The following ASPH variants were observed in gnomAD, a reference collection of about 807,000 sequenced individuals.
The protein encoded by ASPH is aspartyl/asparaginyl beta-hydroxylase.
A neutral mutation model predicts 118.4 loss-of-function variants in ASPH; 100 were observed. The observed-to-expected ratio is 0.84, with a 90% CI of 0.72 to 1.00. ASPH has a LOEUF of 1.00. Ranked by LOEUF, ASPH falls within the 50% of genes least tolerant of loss-of-function variation. The pLI is 0.00. For missense variants in ASPH, 920 were observed against 919.5 expected (o/e 1.00, Z -0.01); for synonymous variants, 315 against 325.6 (o/e 0.97, Z 0.35).
intron 1 of ASPH, among the ~76,000 whole-genome samples, chr8:61,693,800 G>A (rs1397116872): frequency 6.6e-6 from 1 of 152,072 alleles, no homozygotes; most frequent in Non-Finnish European, 1.5e-5. Flanking sequence ...ATATCCATCA[G>A]TGGCCATCTT....
chr8:61,514,300 A>G (rs1586319433), intron 24 of ASPH, among the ~76,000 whole-genome samples: 1 of 149,622 alleles, frequency 6.7e-6, no homozygotes, highest in Non-Finnish European at 1.5e-5. Flanking sequence ...CTCCCTGCCT[A>G]TGCCTAAGTA....
chr8:61,678,115 G>C (rs534895236), intron 3 of ASPH, among the ~76,000 whole-genome samples: 1 of 152,006 alleles, frequency 6.6e-6, no homozygotes, highest in African/African-American at 2.4e-5. Flanking sequence ...GTCTACAAAT[G>C]ATTTTCCAGG....
intron 13 of ASPH, among the ~76,000 whole-genome samples, chr8:61,622,940 A>C (rs994792972): frequency 5.9e-5 from 9 of 152,174 alleles, no homozygotes; most frequent in Non-Finnish European, 1.3e-4. Context: ...GGCTAAAAAC[A>C]ACCTGTTCTA....
intron 24 of ASPH, among the ~76,000 whole-genome samples, chr8:61,510,312 G>A (rs1236288559): frequency 6.6e-6 from 1 of 152,194 alleles, no homozygotes; most frequent in African/African-American, 2.4e-5. Context: ...TTGAACCCAA[G>A]TCATGAGACT....
chr8:61,605,029 CTT>C (rs1845149261), intron 14 of ASPH, among the ~76,000 whole-genome samples: 2 of 152,186 alleles, frequency 1.3e-5, no homozygotes, highest in Admixed American at 1.3e-4. Flanking sequence ...GAAAGCATAA[CTT>C]AACGCTTTAA....
chr8:61,564,632 C>T (rs946488271), intron 17 of ASPH, among the ~76,000 whole-genome samples: 3 of 152,128 alleles, frequency 2.0e-5, no homozygotes, highest in Admixed American at 2.0e-4. Context: ...GGCGAGTGCC[C>T]GCATTGCCTC....
At chr8:61,714,003 G>A (rs988843777) in intron 1 of ASPH, among the ~76,000 whole-genome samples, 2 of 152,266 alleles carry the variant, frequency 1.3e-5, no homozygotes, top group African/African-American at 4.8e-5. Flanking sequence ...TGTCTCGGCT[G>A]CGCCCTGCAG....
intron 24 of ASPH, among the ~76,000 whole-genome samples, chr8:61,509,614 C>T (rs1808039373): frequency 6.6e-6 from 1 of 152,166 alleles, no homozygotes; most frequent in South Asian, 2.1e-4. Flanking sequence ...CTTAGAATGC[C>T]TTAACCATCT....
intron 14 of ASPH, among the ~76,000 whole-genome samples, chr8:61,605,817 C>T (rs1845401824): frequency 6.6e-6 from 1 of 151,920 alleles, no homozygotes; most frequent in Non-Finnish European, 1.5e-5. Flanking sequence ...GACGCTAGTA[C>T]CAATGCACTA....
rs538026702 is a variant in ASPH at position 61,502,772 on chromosome 8, GCT to G, written c.*585_*586del. ...CAGTTCATAGACACTGACATAATGA[GCT>G]CTTTCTTTTTTGTTAGGAAAATAAA... On this transcript the variant is annotated 3_prime_UTR_variant, in exon 25 of 25. Transcript: ENST00000379454. 3.9e-5 allele frequency: 6 copies of G among 152,102 alleles called. No individual in the cohort carries two copies. The highest frequency in any genetic ancestry group is 8.8e-5 in the Non-Finnish European group (6 of 68,018). The allele number at this position is 152,102 out of a possible 1,614,324, so 9.4% of individuals were successfully genotyped here.
At chr8:61,682,796 CAAGT>C (rs2151649853) in intron 2 of ASPH, among the ~76,000 whole-genome samples, 1 of 152,198 alleles carries the variant, frequency 6.6e-6, no homozygotes, top group South Asian at 2.1e-4. Flanking sequence ...TATAATTTGA[CAAGT>C]AAAGCAGAAG....
At chr8:61,507,647 T>G (rs1264258697) in intron 24 of ASPH, among the ~76,000 whole-genome samples, 1 of 35,372 alleles carries the variant, frequency 2.8e-5, no homozygotes. Flanking sequence ...ATGTATCACA[T>G]GCTTGGGAAA....
intron 14 of ASPH, among the ~76,000 whole-genome samples, chr8:61,591,519 A>C (rs1841132526): frequency 6.6e-6 from 1 of 152,174 alleles, no homozygotes; most frequent in South Asian, 2.1e-4. Context: ...ATGGGGACAC[A>C]CATGGCAGAA....
At chr8:61,639,431 C>T (rs1448983608) in intron 10 of ASPH, among the ~76,000 whole-genome samples, 2 of 152,130 alleles carry the variant, frequency 1.3e-5, no homozygotes, top group Non-Finnish European at 2.9e-5. Context: ...CGCCAGCCCT[C>T]GCTATATTTT....
intron 1 of ASPH, among the ~76,000 whole-genome samples, chr8:61,699,364 A>C (rs1834705077): frequency 6.6e-6 from 1 of 152,240 alleles, no homozygotes; most frequent in African/African-American, 2.4e-5. Context: ...CTACTTGGTA[A>C]GGTACAAATA....
intron 24 of ASPH, among the ~76,000 whole-genome samples, chr8:61,510,362 T>C (rs1586241932): frequency 6.6e-6 from 1 of 152,288 alleles, no homozygotes; most frequent in African/African-American, 2.4e-5. Context: ...TACATAACAC[T>C]AAAATCTGAA....
At chr8:61,595,120 C>T (rs1051907746) in intron 14 of ASPH, among the ~76,000 whole-genome samples, 1 of 152,098 alleles carries the variant, frequency 6.6e-6, no homozygotes, top group African/African-American at 2.4e-5. Flanking sequence ...ATGAGAGAAA[C>T]CCCAAGAGTG....
At chr8:61,707,705 A>G (rs569110990) in intron 1 of ASPH, among the ~76,000 whole-genome samples, 53 of 152,364 alleles carry the variant, frequency 3.5e-4, no homozygotes, top group African/African-American at 1.1e-3. Flanking sequence ...TGGCTAAATG[A>G]AAAGCAAGGC....
Position 61,646,872 on chromosome 8 carries a change from C to T in ASPH, c.497G>A (p.Gly166Glu), listed in dbSNP as rs764862417. The change falls in exon 6 of 25, where the codon GGA becomes GAA. Residue 166 changes from glycine (G) to glutamate (E), a missense_variant. Coordinates refer to ENST00000379454, the MANE Select transcript of ASPH (RefSeq NM_004318.4). The stretch of plus-strand genomic sequence containing the variant: ...TCCATCTTCTTGTTGCAAGTCTTCT[C>T]CCTCAACTATGACAATGAACAAAGT... Reference protein sequence around the residue: ...HEMVHAEHVEGEDLQQEDGPT... With the variant: ...HEMVHAEHVEEEDLQQEDGPT... The T allele has an allele frequency of 6.2e-7, 1 of 1,613,830 alleles. No homozygotes were observed. Among genetic ancestry groups the T allele is most frequent in the Admixed American group, 1.7e-5 (1 of 59,990 alleles).
Sources: allele counts gnomAD v4.1 joint callset (sites outside exome capture counted in the v4.1 genomes callset), GRCh38; gene constraint gnomAD v4.1.1; transcripts MANE v1.5; gene names NCBI Gene and HGNC (gene_info 2026-07-23, HGNC 2026-07-21).